The following MAML1 variants were observed in gnomAD, a reference collection of about 807,000 sequenced individuals.
The protein encoded by MAML1 is mastermind-like protein 1.
A neutral mutation model predicts 77.1 loss-of-function variants in MAML1; 14 were observed. That is an observed-to-expected ratio of 0.18 (90% CI 0.12 to 0.28). The LOEUF (loss-of-function observed/expected upper bound fraction) is 0.28. Among genes scored for constraint, MAML1 ranks in the 10% least tolerant of loss-of-function variants. MAML1 has a pLI of 1.00. For synonymous variants in MAML1, 516 were observed against 551.9 expected (o/e 0.93, Z 0.91); for missense variants, 1,217 against 1,327.8 (o/e 0.92, Z 1.30).
chr5:179,774,276 A>G lies in MAML1; in HGVS notation c.2450A>G (p.Asn817Ser). 1 of 1,613,340 alleles carries G rather than the reference A, an allele frequency of 6.2e-7. No homozygotes were observed. Among genetic ancestry groups the G allele is most frequent in the Non-Finnish European group, 8.5e-7 (1 of 1,179,970 alleles). ...LSQQHNKGTLNPGLTKPPVPR... is the reference protein window; with the variant it reads ...LSQQHNKGTLSPGLTKPPVPR... Reference sequence around the variant, plus strand: ...CAGCAGCACAATAAGGGGACCCTGAACCCTGGTTTAACAAAGCCACCGGTC... The same window carrying G: ...CAGCAGCACAATAAGGGGACCCTGAGCCCTGGTTTAACAAAGCCACCGGTC... The change falls in exon 5 of 5, where the codon AAC becomes AGC. Residue 817 changes from asparagine (N) to serine (S), a missense_variant. Asn to Ser is a conservative substitution (Grantham distance 46). Transcript: ENST00000292599.
rs1221043124 is a variant in MAML1 at position 179,769,902 on chromosome 5, A to G, written c.1971+813A>G. ...GAACTGGCTCCAGACAGTGAGGTTC[A>G]TTGAGGACAATCCCTGCCTCAGTTC... On this transcript the variant is annotated intron_variant, in intron 3 of 4. Transcript: ENST00000292599. This position sits in a 1 kb window ranked among gnomAD's most constrained non-coding sequence, Gnocchi z 4.2. 1.3e-5 allele frequency among the ~76,000 whole-genome samples: 2 copies of G among 152,190 alleles called. No homozygotes were observed. Among genetic ancestry groups the G allele is most frequent in the East Asian group, 3.9e-4 (2 of 5,190 alleles).
chr5:179,768,735 T>G, intron 2 of MAML1, 115 bp from the exon 3 acceptor site: 1 of 1,338,270 alleles, frequency 7.5e-7, no homozygotes, highest in East Asian at 2.3e-5. Context: ...TTATTCGAGG[T>G]CAGAAGGGAA....
In MAML1 at chr5:179,776,883, G is replaced by A; in HGVS notation, c.*2006G>A. 4 of 985,936 alleles carry A rather than the reference G, an allele frequency of 4.1e-6. No individual in the cohort carries two copies. The highest frequency in any genetic ancestry group is 6.1e-5 in the Admixed American group (1 of 16,296). 61.1% of individuals were successfully genotyped at this position (985,936 alleles called of 1,614,324 possible). ...ATGAACCTGGTTTTCGGGAGTCAGGGGAGGAGATGACTTTGCTTCTGTGCA... is the reference window on the plus strand; with the variant it reads ...ATGAACCTGGTTTTCGGGAGTCAGGAGAGGAGATGACTTTGCTTCTGTGCA... On this transcript the variant is annotated 3_prime_UTR_variant, in exon 5 of 5. Transcript: ENST00000292599.
intron 1 of MAML1, among the ~76,000 whole-genome samples, chr5:179,756,672 C>G (rs192435703): frequency 6.6e-5 from 10 of 151,982 alleles, no homozygotes; most frequent in Non-Finnish European, 1.0e-4. Flanking sequence ...AGCGGTCACA[C>G]GGATAACATC....
intron 1 of MAML1, among the ~76,000 whole-genome samples, chr5:179,738,201 A>C (rs1779210344): frequency 6.6e-6 from 1 of 151,246 alleles, no homozygotes; most frequent in Non-Finnish European, 1.5e-5. Context: ...TCTCTCTCCC[A>C]CTCTCTGCCT....
intron 1 of MAML1, among the ~76,000 whole-genome samples, chr5:179,743,942 A>G (rs982457471): frequency 6.6e-6 from 1 of 152,188 alleles, no homozygotes; most frequent in African/African-American, 2.4e-5. Flanking sequence ...TAAAAATAAA[A>G]TGGTTACATC....
At chr5:179,759,337 C>CTT (rs1779683113) in intron 1 of MAML1, among the ~76,000 whole-genome samples, 1 of 152,190 alleles carries the variant, frequency 6.6e-6, no homozygotes, top group South Asian at 2.1e-4. Flanking sequence ...GGCAATAAAA[C>CTT]AGGAACAATG....
rs752965564 is a variant in MAML1 at position 179,766,023 on chromosome 5, C to T, written c.1013C>T (p.Ser338Phe). 1.3e-6 allele frequency: 2 copies of T among 1,598,038 alleles called. No homozygotes were observed. The highest frequency in any genetic ancestry group is 3.4e-4 in the Middle Eastern group (2 of 5,938). ...GPSSAPVSTD[S>F]PSLGGSQTLF... is the part of the protein sequence containing the mutation. ...TCCTCTGCCCCTGTGAGTACAGATT[C>T]CCCCAGCCTAGGGGGCTCCCAAACC... The change falls in exon 2 of 5, where the codon TCC (serine) becomes TTC (phenylalanine). Residue 338 changes from serine (S) to phenylalanine (F), a missense_variant. By Grantham distance (155) the Ser-to-Phe change is radical (BLOSUM62 -2). This residue lies in a region of MAML1 where 884 missense variants were observed against 949.3 expected (regional missense o/e 0.93). Coordinates refer to ENST00000292599, the MANE Select transcript of MAML1 (RefSeq NM_014757.5). This position sits in a 1 kb window ranked among gnomAD's most constrained non-coding sequence, Gnocchi z 4.0.
intron 1 of MAML1, among the ~76,000 whole-genome samples, chr5:179,758,481 C>A (rs552124792): frequency 6.6e-6 from 1 of 151,348 alleles, no homozygotes; most frequent in Non-Finnish European, 1.5e-5. Flanking sequence ...CAGTCTCCCT[C>A]CTGGGCTCAA....
chr5:179,736,265 A>T (rs962373070), intron 1 of MAML1, among the ~76,000 whole-genome samples: 1 of 150,396 alleles, frequency 6.6e-6, no homozygotes, highest in African/African-American at 2.4e-5. Context: ...GACTTTTGTT[A>T]TTTTTTTTTA....
At chr5:179,753,327 T>C (rs757046148) in intron 1 of MAML1, among the ~76,000 whole-genome samples, 2 of 152,202 alleles carry the variant, frequency 1.3e-5, no homozygotes, top group Non-Finnish European at 2.9e-5. Context: ...ATTAAACCAG[T>C]CTATCTTGAC....
rs574484990 is a variant in MAML1 at position 179,746,653 on chromosome 5, G to A, written c.315+13226G>A. ...CTCCCAAAGTGCTGGGATTACAGGC[G>A]TGAGCCACCACACCTAGCCAGCAAT... On this transcript the variant is annotated intron_variant, in intron 1 of 4. Transcript: ENST00000292599. Among the ~76,000 whole-genome samples the A allele has an allele frequency of 3.9e-5, 6 of 152,184 alleles. No homozygotes were observed. In the East Asian group the frequency reaches 9.7e-4, roughly 25 times the overall value.
At position 179,776,020 on chromosome 5, in the gene MAML1, C is replaced by T; in HGVS notation, c.*1143C>T. ...TGACTTGCACTTCTTAAAGAGATTG[C>T]TTTATAACACTAAGACATCCTTTCT... is the stretch of plus-strand genomic sequence containing the variant. On this transcript the variant is annotated 3_prime_UTR_variant, in exon 5 of 5. Transcript: ENST00000292599. The T allele has an allele frequency of 1.0e-6, 1 of 985,834 alleles. No homozygotes were observed. The highest frequency in any genetic ancestry group is 1.2e-6 in the Non-Finnish European group (1 of 829,942). The allele number at this position is 985,834 out of a possible 1,614,324, so 61.1% of individuals were successfully genotyped here.
chr5:179,751,652 C>T (rs1562557483), intron 1 of MAML1, among the ~76,000 whole-genome samples: 2 of 151,972 alleles, frequency 1.3e-5, no homozygotes, highest in South Asian at 2.1e-4. Flanking sequence ...GTGCAGTGAG[C>T]CAAGATCATG....
In MAML1 at chr5:179,775,337, T is replaced by G. The variant is rs1208084425; in HGVS notation, c.*460T>G. ...TGTAGCATAGAAAAGATTTTTAAAT[T>G]TTTTTACAAAAGGTTTTTAAACAGA... On this transcript the variant is annotated 3_prime_UTR_variant, in exon 5 of 5. Transcript: ENST00000292599. 1.0e-6 allele frequency: 1 copy of G among 986,368 alleles called. No homozygotes were observed. Among genetic ancestry groups the G allele is most frequent in the Admixed American group, 6.1e-5 (1 of 16,360 alleles). The allele number at this position is 986,368 out of a possible 1,614,324, so 61.1% of individuals were successfully genotyped here.
chr5:179,750,578 A>T (rs1779468775), intron 1 of MAML1, among the ~76,000 whole-genome samples: 1 of 151,986 alleles, frequency 6.6e-6, no homozygotes, highest in Non-Finnish European at 1.5e-5. Flanking sequence ...CTCCTGCTTC[A>T]GTGTCCTTAG....
At chr5:179,744,844 T>C (rs1197777843) in intron 1 of MAML1, among the ~76,000 whole-genome samples, 1 of 152,152 alleles carries the variant, frequency 6.6e-6, no homozygotes, top group African/African-American at 2.4e-5. Flanking sequence ...TACATCTATT[T>C]CTTATTTCAA....
rs370222740 is a variant in MAML1, at chr5:179,774,138, C to A, written c.2312C>A (p.Pro771Gln). ...ATAACCCAGATAGTTGCCCAGCCCC[C>A]GCCACAGGCCACCAATGGACATGCC... ...SGITQIVAQPPPQATNGHAHI... is the reference protein window; with the variant it reads ...SGITQIVAQPQPQATNGHAHI... Residue 771 changes from proline to glutamine, a missense_variant, in exon 5 of 5, where the codon CCG becomes CAG. Pro to Gln is a moderately conservative substitution (Grantham distance 76). Around this residue, in one of 3 missense-constraint regions of MAML1, gnomAD observed 884 missense variants for 949.3 expected, o/e 0.93. Coordinates refer to ENST00000292599, the MANE Select transcript of MAML1 (RefSeq NM_014757.5). 3.1e-5 allele frequency: 50 copies of A among 1,613,494 alleles called. 1 individual carries two copies. In the East Asian group the frequency reaches 1.1e-3, roughly 36 times the overall value.
intron 1 of MAML1, among the ~76,000 whole-genome samples, chr5:179,745,340 A>G (rs1779358303): frequency 6.6e-6 from 1 of 152,188 alleles, no homozygotes; most frequent in Non-Finnish European, 1.5e-5. Flanking sequence ...TAGCCAAAGT[A>G]AGAGTTCTCA....
Sources: gnomAD v4.1 joint callset for allele counts (sites outside exome capture counted in the v4.1 genomes callset) on GRCh38, gnomAD v4.1.1 for gene constraint, gnomAD v4.1.1 regional missense constraint, Gnocchi (gnomAD v3.1) non-coding constraint, MANE v1.5 for transcripts, NCBI Gene and HGNC (gene_info 2026-07-23, HGNC 2026-07-21) for gene names.